CTNNA2: variants seen among roughly 807,000 people sequenced by gnomAD.
CTNNA2 encodes catenin alpha 2, also known as catenin alpha-2.
Under a neutral mutation model 101.0 loss-of-function variants are expected in CTNNA2, and 42 were observed. The ratio of observed to expected loss-of-function variants is 0.42; its 90% CI spans 0.32 to 0.54. The LOEUF is 0.54. Among genes scored for constraint, CTNNA2 ranks in the 20% least tolerant of loss-of-function variants. The pLI is 0.14. For missense variants in CTNNA2, 871 were observed against 1,223.1 expected, an observed-to-expected ratio of 0.71 and a Z score of 4.29; for synonymous variants, 450 against 456.4, an observed-to-expected ratio of 0.99 and a Z score of 0.18.
chr2:79,287,564 C>CTCGGGGG (rs556673100), intron 2 of CTNNA2, among the ~76,000 whole-genome samples: 6,584 of 142,528 alleles, frequency 0.046, 674 homozygotes, highest in African/African-American at 0.18. Flanking sequence ...AGTTAGGCTG[C>CTCGGGGG]TCAGGGGTCA....
chr2:79,814,648 T>TATAC (rs1558953072), intron 3 of CTNNA2, among the ~76,000 whole-genome samples: 2 of 144,556 alleles, frequency 1.4e-5, no homozygotes, highest in African/African-American at 5.8e-5. Context: ...CATATATATA[T>TATAC]ATATCACAGT....
intron 7 of CTNNA2, among the ~76,000 whole-genome samples, chr2:80,090,817 T>C (rs1699749898): frequency 6.6e-6 from 1 of 152,108 alleles, no homozygotes; most frequent in South Asian, 2.1e-4. Context: ...AGCCTGTAAG[T>C]CCTTTTCCAA....
At chr2:79,593,303 T>A (rs1265394071) in intron 1 of CTNNA2, among the ~76,000 whole-genome samples, 1 of 152,202 alleles carries the variant, frequency 6.6e-6, no homozygotes, top group Non-Finnish European at 1.5e-5. Flanking sequence ...CAGCCTTTGC[T>A]TGACCATCTC....
chr2:80,139,731 G>A (rs1371010185), intron 7 of CTNNA2, among the ~76,000 whole-genome samples: 1 of 152,140 alleles, frequency 6.6e-6, no homozygotes, highest in Non-Finnish European at 1.5e-5. Context: ...TGTATCATGT[G>A]AAACAACAAG....
In CTNNA2 at chr2:79,477,305, G is replaced by T. The variant is rs544636142; in HGVS notation, c.-134-27749G>T. On this transcript the variant is annotated intron_variant, in intron 4 of 21. Coordinates refer to the CTNNA2 transcript ENST00000466387. The stretch of plus-strand genomic sequence containing the variant: ...CCTACCTCAGCCTCCCAAGCAGCTG[G>T]GTTTACAGGCACCCGCCACCACACC... 1.1e-4 allele frequency among the ~76,000 whole-genome samples: 17 copies of T among 151,582 alleles called. No homozygotes were observed. The East Asian group carries it at 3.1e-3, about 28-fold the overall frequency.
chr2:79,827,164 G>T (rs879338239), intron 3 of CTNNA2, among the ~76,000 whole-genome samples: 2 of 151,814 alleles, frequency 1.3e-5, no homozygotes, highest in Non-Finnish European at 2.9e-5. Context: ...GCAGCCTCCC[G>T]AGTAGCTAGG....
chr2:79,736,692 T>C (rs570780391), intron 2 of CTNNA2, among the ~76,000 whole-genome samples: 21 of 152,292 alleles, frequency 1.4e-4, no homozygotes, highest in African/African-American at 4.8e-4. Context: ...TCTTTTAGGT[T>C]GTGGCAGCAA....
In CTNNA2 at chr2:80,248,022, T is replaced by A. The variant is rs112982407; in HGVS notation, c.1057-145189T>A. Among the ~76,000 whole-genome samples the A allele has an allele frequency of 2.5e-3, 378 of 152,170 alleles. 6 individuals are homozygous for A. The highest frequency in any genetic ancestry group is 8.5e-3 in the African/African-American group (354 of 41,538). On this transcript the variant is annotated intron_variant, in intron 7 of 18. Coordinates refer to ENST00000402739, the MANE Select transcript of CTNNA2 (RefSeq NM_001282597.3). Reference sequence around the variant, plus strand: ...CTATCATTTGTCTTTTCTTTATTTTTTTTTTTTTGTGGGGGCAGGGGACTC... The same window carrying A: ...CTATCATTTGTCTTTTCTTTATTTTATTTTTTTTGTGGGGGCAGGGGACTC...
chr2:79,958,786 T>G (rs4995595), intron 7 of CTNNA2, among the ~76,000 whole-genome samples: 1 of 149,450 alleles, frequency 6.7e-6, no homozygotes, highest in African/African-American at 2.5e-5. Flanking sequence ...TTTTTTTTTC[T>G]TTTCATAAGA....
At chr2:79,822,184 G>A (rs1210290294) in intron 3 of CTNNA2, among the ~76,000 whole-genome samples, 1 of 135,896 alleles carries the variant, frequency 7.4e-6, no homozygotes, top group African/African-American at 3.2e-5. Context: ...TGATTCCAAC[G>A]GTTTTTTTTT....
chr2:79,877,871 G>T (rs1258615073), intron 6 of CTNNA2, among the ~76,000 whole-genome samples: 2 of 152,066 alleles, frequency 1.3e-5, no homozygotes, highest in Non-Finnish European at 2.9e-5. Context: ...TAAGTTCCAG[G>T]ATACACGTGC....
chr2:80,302,482 G>A lies in CTNNA2; in HGVS notation c.1057-90729G>A, dbSNP rs770852349. 1.1e-5 allele frequency: 18 copies of A among 1,613,848 alleles called. No homozygotes were observed. The highest frequency in any genetic ancestry group is 1.7e-5 in the Admixed American group (1 of 60,016). ...CTGGGAAACACTTCCAGGACACGTA[G>A]AGCACCAGGACCACGATGAGGAAGG... On this transcript the variant is annotated intron_variant, in intron 7 of 18. Coordinates refer to ENST00000402739, the MANE Select transcript of CTNNA2 (RefSeq NM_001282597.3). The surrounding 1 kb of genome is among the most constrained non-coding windows in gnomAD (Gnocchi z 6.4).
chr2:80,261,186 A>T (rs1202111078), intron 7 of CTNNA2, among the ~76,000 whole-genome samples: 1 of 152,194 alleles, frequency 6.6e-6, no homozygotes, highest in Admixed American at 6.5e-5. Flanking sequence ...TGACACATAT[A>T]CCTATTGAGT....
intron 4 of CTNNA2, among the ~76,000 whole-genome samples, chr2:79,430,718 G>T (rs1192441002): frequency 6.6e-6 from 1 of 152,054 alleles, no homozygotes; most frequent in Non-Finnish European, 1.5e-5. Context: ...GCTTATGGGG[G>T]CTATAAAAGC....
chr2:79,773,535 G>A (rs562588770), intron 3 of CTNNA2, among the ~76,000 whole-genome samples: 1 of 152,306 alleles, frequency 6.6e-6, no homozygotes, highest in East Asian at 1.9e-4. Flanking sequence ...TTCCAAAGGT[G>A]GCAGTCAGAA....
intron 7 of CTNNA2, chr2:80,162,817 G>A: frequency 1.3e-6 from 2 of 1,595,498 alleles, no homozygotes; most frequent in Non-Finnish European, 1.7e-6. Context: ...ATCACTGCTT[G>A]TCTCTGAAAA....
In CTNNA2 at chr2:80,224,815, T is replaced by C. The variant is rs1315259684; in HGVS notation, c.1057-168396T>C. ...AAACTATTAGGCCCTCTTCAGTCAA[T>C]TGATCACATCCTCAATTATACAGCT... On this transcript the variant is annotated intron_variant, in intron 7 of 18. Coordinates refer to ENST00000402739, the MANE Select transcript of CTNNA2 (RefSeq NM_001282597.3). Among the ~76,000 whole-genome samples the C allele has an allele frequency of 4.0e-5, 6 of 151,800 alleles. No individual in the cohort carries two copies. In the East Asian group the frequency reaches 1.2e-3, roughly 29 times the overall value.
intron 7 of CTNNA2, among the ~76,000 whole-genome samples, chr2:80,376,568 A>C (rs1033499671): frequency 7.2e-5 from 11 of 152,194 alleles, no homozygotes; most frequent in Non-Finnish European, 1.2e-4. Context: ...AATGAGTTAC[A>C]ATAAAGAATT....
intron 9 of CTNNA2, among the ~76,000 whole-genome samples, chr2:80,539,927 G>C (rs1381312423): frequency 6.6e-6 from 1 of 152,182 alleles, no homozygotes; most frequent in Non-Finnish European, 1.5e-5. Flanking sequence ...CTTCAGTTAA[G>C]TTGTAAATAA....
Sources: gnomAD v4.1 joint callset for allele counts (sites outside exome capture counted in the v4.1 genomes callset) on GRCh38, gnomAD v4.1.1 for gene constraint, Gnocchi (gnomAD v3.1) non-coding constraint, MANE v1.5 for transcripts, NCBI Gene and HGNC (gene_info 2026-07-23, HGNC 2026-07-21) for gene names.